The following EPG5 variants were observed in gnomAD, a reference collection of about 807,000 sequenced individuals.
EPG5 encodes the protein ectopic P granules protein 5 homolog.
EPG5 carries 159 observed loss-of-function variants against 302.7 expected under a neutral mutation model. The ratio of observed to expected loss-of-function variants is 0.53; its 90% confidence interval spans 0.46 to 0.60. The LOEUF (loss-of-function observed/expected upper bound fraction) is 0.60, where lower values mean the gene tolerates loss of function less well. EPG5 is among the 20% of genes least tolerant of loss of function. EPG5 has a pLI of 0.00. For missense variants in EPG5, 2,896 were observed against 3,092.4 expected (o/e 0.94, Z 1.51); for synonymous variants, 1,158 against 1,136.8 (o/e 1.02, Z -0.37).
At chr18:45,903,694 A>C (rs1335822021) in intron 25 of EPG5, among the ~76,000 whole-genome samples, 1 of 152,242 alleles carries the variant, frequency 6.6e-6, no homozygotes, top group East Asian at 1.9e-4. Flanking sequence ...AGTAACTTAG[A>C]AACTTCAGGA....
At chr18:45,803,402 G>A in the EPG5 span, among the ~76,000 whole-genome samples, 1 of 152,154 alleles carries the variant, frequency 6.6e-6, no homozygotes, top group Non-Finnish European at 1.5e-5. Context: ...CAGCAAGCAG[G>A]CTCCAGGGGG....
At chr18:45,941,730 T>A (rs1036762043) in intron 9 of EPG5, among the ~76,000 whole-genome samples, 2 of 152,252 alleles carry the variant, frequency 1.3e-5, no homozygotes, top group African/African-American at 4.8e-5. Context: ...CTACATCATG[T>A]AAGTGAGCTT....
intron 39 of EPG5, among the ~76,000 whole-genome samples, chr18:45,864,148 G>A (rs2048692401): frequency 6.6e-6 from 1 of 152,058 alleles, no homozygotes; most frequent in Non-Finnish European, 1.5e-5. Flanking sequence ...ATTTTGCCCA[G>A]ACTGGAGTGC....
At chr18:45,929,713 A>C (rs138371025) in intron 12 of EPG5, among the ~76,000 whole-genome samples, 564 of 152,286 alleles carry the variant, frequency 3.7e-3, no homozygotes, top group African/African-American at 0.013. Flanking sequence ...AATGTCACTT[A>C]ATGTCTGTGA....
chr18:45,861,353 C>T (rs570527309), intron 39 of EPG5, among the ~76,000 whole-genome samples: 18 of 152,254 alleles, frequency 1.2e-4, no homozygotes, highest in African/African-American at 3.6e-4. Flanking sequence ...AACGGAATAG[C>T]AATTTAAATT....
intron 30 of EPG5, among the ~76,000 whole-genome samples, chr18:45,883,614 GT>G (rs1174930322): frequency 0.17 from 10,219 of 60,162 alleles, 1,095 homozygotes; most frequent in African/African-American, 0.25. Flanking sequence ...CTAGCCTGGT[GT>G]TTTTTTTTTT....
At chr18:45,829,174 A>G in the EPG5 span, 7 of 984,914 alleles carry the variant, frequency 7.1e-6, no homozygotes, top group East Asian at 6.8e-4. Flanking sequence ...CTGCCTCTCC[A>G]TCAGCTCAGG....
chr18:45,880,567 G>C (rs2049074990), intron 31 of EPG5, among the ~76,000 whole-genome samples: 1 of 152,116 alleles, frequency 6.6e-6, no homozygotes, highest in African/African-American at 2.4e-5. Context: ...CTATCTATGA[G>C]TGTGACAGAA....
rs140982904 is a variant in EPG5, at chr18:45,957,287, T to C, written c.64-1949A>G. ...TTACAAATGGTAATGATTCAAGAAG[T>C]AATATGACCCTCCAAATTACTTCAC... On this transcript the variant is annotated intron_variant, in intron 1 of 43. Transcript: ENST00000282041. 5.2e-3 allele frequency among the ~76,000 whole-genome samples: 798 copies of C among 152,292 alleles called. 6 individuals are homozygous for C. The highest frequency in any genetic ancestry group is 0.018 in the African/African-American group (743 of 41,554).
Position 45,879,114 on chromosome 18 carries a change from T to C in EPG5, c.5768A>G (p.Tyr1923Cys). ...CAAGAATGTCTTCACATCAGCCATA[T>C]AAGGACTCCATTTTGAGAATAAACC... ...SFGLFSKWSP[Y>C]MADVKTFLGY... Residue 1923 changes from tyrosine (Y) to cysteine (C), a missense_variant, in exon 33 of 44, where the codon TAT (tyrosine) becomes TGT (cysteine). Tyr to Cys is a radical substitution (Grantham distance 194). Coordinates refer to ENST00000282041, the MANE Select transcript of EPG5 (RefSeq NM_020964.3). 1.2e-6 allele frequency: 2 copies of C among 1,614,174 alleles called. No homozygotes were observed. The highest frequency in any genetic ancestry group is 1.7e-6 in the Non-Finnish European group (2 of 1,180,008).
intron 1 of EPG5, among the ~76,000 whole-genome samples, chr18:45,955,901 G>T (rs552141713): frequency 6.6e-6 from 1 of 152,214 alleles, no homozygotes; most frequent in East Asian, 1.9e-4. Context: ...AAATTCCAAT[G>T]AATAGAATTA....
chr18:45,891,214 G>A (rs567130239), intron 27 of EPG5, among the ~76,000 whole-genome samples: 311 of 152,116 alleles, frequency 2.0e-3, no homozygotes, highest in Middle Eastern at 6.8e-3. Context: ...GTTCCTGAAG[G>A]GCGGCCAGGC....
chr18:45,814,488 GTA>G, the EPG5 span, among the ~76,000 whole-genome samples: 1 of 152,196 alleles, frequency 6.6e-6, no homozygotes, highest in Non-Finnish European at 1.5e-5. Flanking sequence ...GGCAGATTTT[GTA>G]TATGGAATGC....
chr18:45,933,921 T>A (rs991013515), intron 11 of EPG5, among the ~76,000 whole-genome samples: 2 of 152,126 alleles, frequency 1.3e-5, no homozygotes, highest in African/African-American at 4.8e-5. Context: ...ACGTATAGGG[T>A]AGTTTTTTAA....
At chr18:45,913,932 A>G (rs888164043) in intron 20 of EPG5, 104 bp from the exon 21 acceptor site, 9 of 1,418,446 alleles carry the variant, frequency 6.3e-6, no homozygotes, top group South Asian at 4.1e-5. Context: ...CTCAAGCTCA[A>G]TCAGCAAATA....
chr18:45,858,002 C>T lies in EPG5; in HGVS notation c.7293G>A (p.Gln2431=), dbSNP rs917327725. The T allele has an allele frequency of 5.6e-6, 9 of 1,613,944 alleles. No homozygotes were observed. Among genetic ancestry groups the T allele is most frequent in the African/African-American group, 1.3e-5 (1 of 75,052 alleles). Residue 2431 remains glutamine, a synonymous_variant, in exon 42 of 44, where the codon CAG becomes CAA. Coordinates refer to ENST00000282041, the MANE Select transcript of EPG5 (RefSeq NM_020964.3). ...TCAGGACGGAGTCATTCTGCTCTGT[C>T]TGAATGAGGGAGAGCTGAAGGACTT... ...WHQVLQLSLI[Q]TEQNDSVLTE... is the part of the protein sequence containing the mutation.
At chr18:45,867,450 A>T (rs2048770757) in intron 37 of EPG5, 113 bp downstream of exon 37, 1 of 810,084 alleles carries the variant, frequency 1.2e-6, no homozygotes, top group Non-Finnish European at 2.1e-6. Context: ...TATGCCAAGC[A>T]TCTGTTCACA....
intron 24 of EPG5, 30 bp from the exon 25 acceptor site, chr18:45,904,147 G>C (rs774291760): frequency 5.0e-6 from 8 of 1,597,282 alleles, no homozygotes; most frequent in Non-Finnish European, 6.8e-6. Flanking sequence ...CTTTAACTCT[G>C]ACAGACAAGT....
At chr18:45,854,703 A>T (rs142248929) in intron 43 of EPG5, among the ~76,000 whole-genome samples, 60 of 152,296 alleles carry the variant, frequency 3.9e-4, no homozygotes, top group African/African-American at 1.4e-3. Flanking sequence ...CTACAAAAAA[A>T]ATTTTTAATT....
Sources: gnomAD v4.1 joint callset for allele counts (sites outside exome capture counted in the v4.1 genomes callset) on GRCh38, gnomAD v4.1.1 for gene constraint, MANE v1.5 for transcripts, NCBI Gene and HGNC (gene_info 2026-07-23, HGNC 2026-07-21) for gene names.